Variants in DHX37 observed in about 807,000 individuals in gnomAD.
DHX37 encodes the protein DEAH-box helicase 37.
In DHX37, 52 loss-of-function variants were observed where a neutral mutation model predicts 134.3. The ratio of observed to expected loss-of-function variants is 0.39; its 90% CI spans 0.31 to 0.49. The LOEUF (loss-of-function observed/expected upper bound fraction) is 0.49, where lower values mean the gene tolerates loss of function less well. Ranked by LOEUF, DHX37 falls within the 20% of genes least tolerant of loss-of-function variation. The probability of loss-of-function intolerance (pLI) is 0.93; values close to 1 mark genes in which losing one functional copy is unlikely to be tolerated. For synonymous variants in DHX37, 634 were observed against 670.7 expected (o/e 0.95, Z 0.85); for missense variants, 1,344 against 1,580.8 (o/e 0.85, Z 2.54).
At chr12:124,968,307 A>G (rs547366166) in intron 10 of DHX37, among the ~76,000 whole-genome samples, 2 of 152,144 alleles carry the variant, frequency 1.3e-5, no homozygotes, top group South Asian at 2.1e-4. Flanking sequence ...TCAGATGGGG[A>G]CAGATGGCAA....
At chr12:124,950,619 C>A in intron 22 of DHX37, 69 bp from the exon 23 acceptor site, 1 of 1,569,294 alleles carries the variant, frequency 6.4e-7, no homozygotes, top group South Asian at 1.2e-5. Flanking sequence ...ATGCCTCTGC[C>A]CCAGGGTCCC....
At position 124,950,736 on chromosome 12, in the gene DHX37, A is replaced by G; in HGVS notation, c.2937T>C (p.Phe979=). 1.2e-6 allele frequency: 2 copies of G among 1,610,726 alleles called. No individual in the cohort carries two copies. Among genetic ancestry groups the G allele is most frequent in the Non-Finnish European group, 8.5e-7 (1 of 1,179,148 alleles). ...SSVLFKELPE[F]VVYQEIVETT... Reference sequence around the variant, plus strand: ...TCTCCACGATTTCCTGGTAGACCACAAACTCGGGGAGCTCTTTGAAAAGGA... The same window carrying G: ...TCTCCACGATTTCCTGGTAGACCACGAACTCGGGGAGCTCTTTGAAAAGGA... The change falls in exon 22 of 27, where the codon TTT becomes TTC. Residue 979 remains phenylalanine (F), a synonymous_variant. Transcript: ENST00000308736.
chr12:124,971,402 A>G lies in DHX37; in HGVS notation c.1091T>C (p.Leu364Pro), dbSNP rs774081132. The change falls in exon 8 of 27, where the codon CTG (leucine) becomes CCG (proline). Residue 364 changes from leucine (L) to proline (P), a missense_variant. By Grantham distance (98) the Leu-to-Pro change is moderately conservative. This residue lies in a region of DHX37 where 30 missense variants were observed against 72.5 expected (regional missense o/e 0.41). Coordinates refer to ENST00000308736, the MANE Select transcript of DHX37 (RefSeq NM_032656.4). ...GTCGATGATCACCACCTTGTACCGC[A>G]GCAGCAGGAAGTCCTGGGGGGAGGT... ...LKEIQKDFLL[L>P]RYKVVIIDEA... The G allele has an allele frequency of 2.2e-5, 35 of 1,613,104 alleles. No individual in the cohort carries two copies. Among genetic ancestry groups the G allele is most frequent in the Non-Finnish European group, 3.0e-5 (35 of 1,179,972 alleles).
chr12:124,978,321 T>A (rs1053078344), intron 4 of DHX37, among the ~76,000 whole-genome samples: 3 of 151,738 alleles, frequency 2.0e-5, no homozygotes, highest in Non-Finnish European at 4.4e-5. Context: ...ACTTGTTGTA[T>A]TTATTTACTT....
chr12:124,988,056 C>A (rs542900995), intron 1 of DHX37, among the ~76,000 whole-genome samples: 1 of 138,248 alleles, frequency 7.2e-6, no homozygotes, highest in Non-Finnish European at 1.5e-5. Flanking sequence ...TACAGTGGTG[C>A]GATCTTGGCT....
intron 25 of DHX37, 101 bp from the exon 26 acceptor site, chr12:124,948,282 C>T: frequency 6.7e-7 from 1 of 1,484,394 alleles, no homozygotes; most frequent in Non-Finnish European, 9.0e-7. Context: ...CCACCAGCCC[C>T]ACCCAGGAGG....
At position 124,977,475 on chromosome 12, in the gene DHX37, G is replaced by A; in HGVS notation, c.754C>T (p.Leu252Phe). ...ACTTGTTCTTCGGAGAGAATTGGGA[G>A]CTTCAGCCGTTCCTCCTGGAAGGAG... ...SPEMQEERLK[L>F]PILSEEQVIM... Residue 252 changes from leucine (L) to phenylalanine (F), a missense_variant, in exon 5 of 27, where the codon CTC becomes TTC. Around this residue, in one of 7 missense-constraint regions of DHX37, gnomAD observed 77 missense variants for 121.6 expected, o/e 0.63. Coordinates refer to ENST00000308736, the MANE Select transcript of DHX37 (RefSeq NM_032656.4). 6.2e-7 allele frequency: 1 copy of A among 1,603,480 alleles called. No individual in the cohort carries two copies.
Position 124,980,570 on chromosome 12 carries a change from G to C in DHX37, c.658C>G (p.Pro220Ala), listed in dbSNP as rs370692870. 1.9e-6 allele frequency: 3 copies of C among 1,611,606 alleles called. No homozygotes were observed. The highest frequency in any genetic ancestry group is 2.5e-6 in the Non-Finnish European group (3 of 1,179,766). ...CTGGGCAGTGGTGGGGCTGCAGCTG[G>C]AGGAGGAGGAACAGTCATCCCAGCC... ...VPAGMTVPPP[P>A]AAAPPLPRAL... Residue 220 changes from proline (P) to alanine (A), a missense_variant, in exon 4 of 27, where the codon CCA becomes GCA. This residue lies in a region of DHX37 where 319 missense variants were observed against 296.1 expected (regional missense o/e 1.08). Transcript: ENST00000308736. This position sits in a 1 kb window ranked among gnomAD's most constrained non-coding sequence, Gnocchi z 5.3.
chr12:124,961,264 A>ACATACACGCGTGCACGCGCACACACACT (rs529082353), intron 15 of DHX37, among the ~76,000 whole-genome samples: 9 of 125,126 alleles, frequency 7.2e-5, no homozygotes, highest in Non-Finnish European at 1.4e-4. Flanking sequence ...ACGCACACAC[A>ACATACACGCGTGCACGCGCACACACACT]TACACGCGTG....
intron 4 of DHX37, among the ~76,000 whole-genome samples, chr12:124,978,256 T>C (rs1258924002): frequency 2.0e-5 from 3 of 151,896 alleles, no homozygotes; most frequent in Admixed American, 6.6e-5. Context: ...CCACCATGCC[T>C]GGCCAACAAG....
At chr12:124,954,313 G>A (rs910848384) in intron 18 of DHX37, 102 bp from the exon 19 acceptor site, 3 of 1,470,962 alleles carry the variant, frequency 2.0e-6, no homozygotes, top group African/African-American at 2.8e-5. Context: ...CAGAGGCCTT[G>A]TGGGGTCACT....
In DHX37 at chr12:124,966,894, G is replaced by A; in HGVS notation, c.1505-16C>T. ...TCGTCCTTTTCTGGGAGAGGGGCAG[G>A]TTGGGGAGAAAGGCGTCTGTGGCCG... On this transcript the variant is annotated splice_polypyrimidine_tract_variant and intron_variant, in intron 11 of 26. Coordinates refer to ENST00000308736, the MANE Select transcript of DHX37 (RefSeq NM_032656.4). 1 of 1,614,254 alleles carries A rather than the reference G, an allele frequency of 6.2e-7. No homozygotes were observed. The highest frequency in any genetic ancestry group is 8.5e-7 in the Non-Finnish European group (1 of 1,180,046).
At chr12:124,977,157 G>C (rs568617864) in intron 5 of DHX37, among the ~76,000 whole-genome samples, 185 bp downstream of exon 5, 2 of 152,344 alleles carry the variant, frequency 1.3e-5, no homozygotes, top group South Asian at 4.1e-4. Flanking sequence ...ACCTTGTGAA[G>C]TAGGCGCTAT....
At chr12:124,959,187 C>T (rs774105006) in intron 16 of DHX37, among the ~76,000 whole-genome samples, 1 of 151,776 alleles carries the variant, frequency 6.6e-6, no homozygotes, top group African/African-American at 2.4e-5. Flanking sequence ...GATTATCCTG[C>T]CTCAGCCTCC....
intron 7 of DHX37, 43 bp from the exon 8 acceptor site, chr12:124,971,458 C>G (rs4542508): frequency 6.3e-7 from 1 of 1,599,226 alleles, no homozygotes; most frequent in South Asian, 1.1e-5. Context: ...CCAGCCTAAG[C>G]CCCAAGGGCC....
chr12:124,950,378 A>G, intron 23 of DHX37, 35 bp downstream of exon 23: 1 of 1,595,612 alleles, frequency 6.3e-7, no homozygotes, highest in Non-Finnish European at 8.5e-7. Context: ...CGGCTGCAGG[A>G]GGCTCAGGTT....
chr12:124,950,648 G>A (rs377211297), intron 22 of DHX37, 42 bp downstream of exon 22: 60 of 1,603,268 alleles, frequency 3.7e-5, no homozygotes, highest in African/African-American at 1.5e-4. Context: ...CCCCATTAGC[G>A]TCACCATCGG....
intron 8 of DHX37, among the ~76,000 whole-genome samples, chr12:124,970,496 C>T (rs951097994): frequency 6.6e-5 from 10 of 152,190 alleles, no homozygotes; most frequent in African/African-American, 2.4e-4. Flanking sequence ...GACTTCTCCT[C>T]GCTCTGCAAT....
intron 20 of DHX37, 131 bp from the exon 21 acceptor site, chr12:124,952,701 G>A (rs376891754): frequency 2.1e-5 from 20 of 936,802 alleles, no homozygotes; most frequent in African/African-American, 1.3e-4. Flanking sequence ...CCCCTCCCCA[G>A]AGGCCACCAG....
Sources: allele counts gnomAD v4.1 joint callset (sites outside exome capture counted in the v4.1 genomes callset), GRCh38; gene constraint gnomAD v4.1.1; regional missense constraint gnomAD v4.1.1; non-coding constraint Gnocchi (gnomAD v3.1); transcripts MANE v1.5; gene names NCBI Gene and HGNC (gene_info 2026-07-23, HGNC 2026-07-21).